GYS2: variants seen among roughly 807,000 people sequenced by gnomAD.
GYS2 encodes the protein glycogen [starch] synthase, liver.
A neutral mutation model predicts 85.6 loss-of-function variants in GYS2; 80 were observed. That is an observed-to-expected ratio of 0.93 (90% CI 0.78 to 1.13). The LOEUF is 1.13. Among genes scored for constraint, GYS2 ranks in the 50% most tolerant of loss-of-function variants. The pLI, the probability that GYS2 is intolerant of heterozygous loss-of-function variation, is 0.00. For synonymous variants in GYS2, 328 were observed against 300.7 expected (o/e 1.09, Z -0.94); for missense variants, 881 against 854.9 (o/e 1.03, Z -0.38).
rs1046380556 is a variant in GYS2, at chr12:21,536,914, T to C, written c.*40A>G. 2.9e-6 allele frequency: 4 copies of C among 1,364,518 alleles called. No homozygotes were observed. Among genetic ancestry groups the C allele is most frequent in the South Asian group, 2.3e-5 (2 of 86,034 alleles). The allele number at this position is 1,364,518 out of a possible 1,614,324, so 84.5% of individuals were successfully genotyped here. ...TTATTTTAAATAATTAGTCTTACTTTGCTTTTTTAAATTAGCTCTTCATGC... is the reference window on the plus strand; with the variant it reads ...TTATTTTAAATAATTAGTCTTACTTCGCTTTTTTAAATTAGCTCTTCATGC... On this transcript the variant is annotated 3_prime_UTR_variant, in exon 16 of 16. Transcript: ENST00000261195.
chr12:21,581,445 C>G (rs190483001), intron 1 of GYS2, among the ~76,000 whole-genome samples: 36 of 152,236 alleles, frequency 2.4e-4, no homozygotes, highest in South Asian at 8.3e-4. Context: ...TCATGTACCC[C>G]CTTAGAGTTG....
At chr12:21,573,247 C>A (rs961492471) in intron 4 of GYS2, among the ~76,000 whole-genome samples, 1 of 152,178 alleles carries the variant, frequency 6.6e-6, no homozygotes, top group Non-Finnish European at 1.5e-5. Context: ...CACACATACA[C>A]ATTCTATTTT....
chr12:21,547,013 C>T (rs996531351), intron 11 of GYS2, among the ~76,000 whole-genome samples: 8 of 152,134 alleles, frequency 5.3e-5, no homozygotes, highest in African/African-American at 1.9e-4. Context: ...CAGCTAGAGA[C>T]CATCACCTCC....
chr12:21,571,372 C>T (rs1006876257), intron 4 of GYS2, among the ~76,000 whole-genome samples: 3 of 152,182 alleles, frequency 2.0e-5, no homozygotes, highest in African/African-American at 7.2e-5. Flanking sequence ...CATATCTGGA[C>T]CTGGTCTTTC....
chr12:21,559,770 T>C, intron 8 of GYS2, 60 bp from the exon 9 acceptor site: 2 of 1,026,514 alleles, frequency 1.9e-6, no homozygotes, highest in South Asian at 1.3e-5. Context: ...TCTTTATTTG[T>C]CACGATAATG....
chr12:21,598,256 A>G (rs1247333872), intron 1 of GYS2, among the ~76,000 whole-genome samples: 1 of 152,130 alleles, frequency 6.6e-6, no homozygotes, highest in Non-Finnish European at 1.5e-5. Context: ...GAATACCCCA[A>G]ATACCTGACT....
chr12:21,592,923 A>G (rs1944655201), intron 1 of GYS2, among the ~76,000 whole-genome samples: 1 of 152,108 alleles, frequency 6.6e-6, no homozygotes, highest in African/African-American at 2.4e-5. Context: ...TTGAAATCAT[A>G]TTAAGCATCT....
Position 21,558,238 on chromosome 12 carries a change from G to T in GYS2, c.1384C>A (p.Arg462=), listed in dbSNP as rs1377248525. The T allele has an allele frequency of 3.4e-5, 55 of 1,613,420 alleles. No individual in the cohort carries two copies. The highest frequency in any genetic ancestry group is 4.2e-5 in the Non-Finnish European group (50 of 1,179,494). ...STDPILSTIR[R]IGLFNNRTDR... ...GTGCGGTTGTTGAAAAGTCCAATCC[G>T]TCTAATGGTGCTGAGGATGGGGTCG... is the stretch of plus-strand genomic sequence containing the variant. Residue 462 remains arginine, a synonymous_variant, in exon 11 of 16, where the codon CGG becomes AGG. Coordinates refer to ENST00000261195, the MANE Select transcript of GYS2 (RefSeq NM_021957.4).
intron 11 of GYS2, among the ~76,000 whole-genome samples, chr12:21,547,928 C>G (rs1591781374): frequency 1.3e-5 from 2 of 152,136 alleles, no homozygotes; most frequent in Admixed American, 1.3e-4. Context: ...AAAAAGCAAA[C>G]TCTATTAAAA....
chr12:21,579,782 CT>C (rs1374026458), intron 2 of GYS2, among the ~76,000 whole-genome samples: 6 of 152,112 alleles, frequency 3.9e-5, no homozygotes, highest in Non-Finnish European at 7.3e-5. Context: ...ATTCTATGGC[CT>C]CCCTCTTAGG....
At chr12:21,574,110 G>A (rs1944416666) in intron 4 of GYS2, 34 bp downstream of exon 4, 1 of 1,495,980 alleles carries the variant, frequency 6.7e-7, no homozygotes, top group Non-Finnish European at 9.3e-7. Flanking sequence ...CTGAAAGAAG[G>A]GTGAGTAAGA....
rs867598203 is a variant in GYS2 at position 21,563,664 on chromosome 12, A to C, written c.824-319T>G. On this transcript the variant is annotated intron_variant, in intron 5 of 15. Coordinates refer to ENST00000261195, the MANE Select transcript of GYS2 (RefSeq NM_021957.4). ...CTCATTTATTGATTATTTAATGTGTACCAGGTGTTGCTCTAAAGGCTTAGA... is the reference window on the plus strand; with the variant it reads ...CTCATTTATTGATTATTTAATGTGTCCCAGGTGTTGCTCTAAAGGCTTAGA... 2.0e-5 allele frequency among the ~76,000 whole-genome samples: 3 copies of C among 152,316 alleles called. No individual in the cohort carries two copies. The South Asian group carries it at 6.2e-4, about 32-fold the overall frequency.
rs1591772909 is a variant in GYS2, at chr12:21,536,556, G to T, written c.*398C>A. Reference sequence around the variant, plus strand: ...GTGCACATTCATGGGTAAGATCAAGGTTTTCGGGGGGGAAATGGGAAATTT... The same window carrying T: ...GTGCACATTCATGGGTAAGATCAAGTTTTTCGGGGGGGAAATGGGAAATTT... On this transcript the variant is annotated 3_prime_UTR_variant, in exon 16 of 16. Transcript: ENST00000261195. 4.2e-6 allele frequency: 1 copy of T among 235,780 alleles called. No homozygotes were observed. The allele number at this position is 235,780 out of a possible 1,614,324, so 14.6% of individuals were successfully genotyped here. A position where few individuals can be genotyped will look rare whatever the true frequency, so the allele number is the denominator to read the frequency against.
intron 1 of GYS2, 51 bp downstream of exon 1, chr12:21,604,421 C>T (rs1207575780): frequency 3.8e-6 from 4 of 1,062,624 alleles, no homozygotes; most frequent in Non-Finnish European, 5.9e-6. Flanking sequence ...CTCTACATTC[C>T]TCAGTCACCT....
chr12:21,547,620 AG>A, intron 11 of GYS2, among the ~76,000 whole-genome samples: 1 of 152,258 alleles, frequency 6.6e-6, no homozygotes, highest in South Asian at 2.1e-4. Context: ...GTCAGGGGTG[AG>A]GGAGGGATGA....
intron 15 of GYS2, among the ~76,000 whole-genome samples, chr12:21,537,859 A>G (rs895548607): frequency 2.6e-5 from 4 of 152,164 alleles, no homozygotes; most frequent in Non-Finnish European, 5.9e-5. Context: ...AGATGAAAAA[A>G]CATGATTGGA....
At chr12:21,552,661 A>G (rs530288835) in intron 11 of GYS2, among the ~76,000 whole-genome samples, 1 of 152,346 alleles carries the variant, frequency 6.6e-6, no homozygotes, top group South Asian at 2.1e-4. Context: ...ATAAATGAGC[A>G]TCTCAAAATA....
Position 21,563,329 on chromosome 12 carries a change from G to C in GYS2, c.840C>G (p.Asn280Lys). The change falls in exon 6 of 16, where the codon AAC becomes AAG. Residue 280 changes from asparagine to lysine, a missense_variant. Coordinates refer to ENST00000261195, the MANE Select transcript of GYS2 (RefSeq NM_021957.4). ...CTGAAAATTTCTTAACATTCAAGCCGTTTGGAGTAACTACATCTAGAAAGG... is the reference window on the plus strand; with the variant it reads ...CTGAAAATTTCTTAACATTCAAGCCCTTTGGAGTAACTACATCTAGAAAGG... ...LKRKPDVVTP[N>K]GLNVKKFSAV... The C allele has an allele frequency of 6.3e-7, 1 of 1,590,680 alleles. No homozygotes were observed. The highest frequency in any genetic ancestry group is 8.6e-7 in the Non-Finnish European group (1 of 1,158,804).
intron 11 of GYS2, among the ~76,000 whole-genome samples, chr12:21,550,898 T>C (rs913380944): frequency 3.3e-5 from 5 of 152,086 alleles, no homozygotes; most frequent in Non-Finnish European, 7.4e-5. Flanking sequence ...ACGGAGATCG[T>C]GCCACTGCAC....
Sources: gnomAD v4.1 joint callset for allele counts (sites outside exome capture counted in the v4.1 genomes callset) on GRCh38, gnomAD v4.1.1 for gene constraint, MANE v1.5 for transcripts, NCBI Gene and HGNC (gene_info 2026-07-23, HGNC 2026-07-21) for gene names.